Variants in TFF2 observed in about 807,000 individuals in gnomAD.
TFF2 encodes the protein trefoil factor 2.
In TFF2, 19 loss-of-function variants were observed where a neutral mutation model predicts 16.0. The observed-to-expected ratio is 1.19, with a 90% CI of 0.83 to 1.74. The LOEUF (loss-of-function observed/expected upper bound fraction) is 1.74. TFF2 is among the 40% of genes most tolerant of loss of function. TFF2 has a pLI of 0.00. For synonymous variants in TFF2, 61 were observed against 65.4 expected (o/e 0.93, Z 0.32); for missense variants, 168 against 166.8 (o/e 1.01, Z -0.04).
At chr21:42,347,091 G>A (rs904687941) in intron 3 of TFF2, among the ~76,000 whole-genome samples, 6 of 152,204 alleles carry the variant, frequency 3.9e-5, no homozygotes, top group Admixed American at 2.6e-4. Flanking sequence ...GGGAAGCCAC[G>A]GGAGAAGGGG....
chr21:42,347,450 C>T (rs543277873), intron 3 of TFF2, 36 bp downstream of exon 3: 4 of 1,613,458 alleles, frequency 2.5e-6, no homozygotes, highest in South Asian at 2.2e-5. Context: ...ATCATGGTGT[C>T]CGGGAACCAG....
intron 3 of TFF2, 35 bp downstream of exon 3, chr21:42,347,451 C>T (rs1261845978): frequency 6.2e-7 from 1 of 1,613,234 alleles, no homozygotes; most frequent in Non-Finnish European, 8.5e-7. Context: ...TCATGGTGTC[C>T]GGGAACCAGA....
chr21:42,347,625 A>G lies in TFF2; in HGVS notation c.237T>C (p.Asp79=), dbSNP rs1375867628. ...GGTCTGAGACCTCCATGACGCACTGATCCGACTCTGCCATGGGACAGGCAC... is the reference window on the plus strand; with the variant it reads ...GGTCTGAGACCTCCATGACGCACTGGTCCGACTCTGCCATGGGACAGGCAC... ...CFHPLPKQES[D]QCVMEVSDRR... is the part of the protein sequence containing the mutation. Residue 79 remains aspartate (D), a synonymous_variant, in exon 3 of 4, where the codon GAT becomes GAC. Transcript: ENST00000291526. 3.6e-5 allele frequency: 58 copies of G among 1,613,880 alleles called. No homozygotes were observed. Among genetic ancestry groups the G allele is most frequent in the Non-Finnish European group, 4.7e-5 (55 of 1,179,978 alleles).
intron 2 of TFF2, among the ~76,000 whole-genome samples, chr21:42,349,493 AG>A (rs1156844924): frequency 6.6e-6 from 1 of 151,434 alleles, no homozygotes; most frequent in Admixed American, 6.6e-5. Context: ...AGCCTACGCT[AG>A]CCCTAGACTA....
At chr21:42,348,215 C>A (rs13047301) in intron 2 of TFF2, among the ~76,000 whole-genome samples, 1 of 146,604 alleles carries the variant, frequency 6.8e-6, no homozygotes, top group African/African-American at 2.5e-5. Context: ...GCACGACACA[C>A]ACACAACCTT....
intron 2 of TFF2, among the ~76,000 whole-genome samples, chr21:42,348,116 C>T (rs1405848336): frequency 1.3e-5 from 2 of 152,198 alleles, no homozygotes; most frequent in Non-Finnish European, 2.9e-5. Flanking sequence ...TGCCTGGTTT[C>T]CCTGCGGGGC....
intron 1 of TFF2, 53 bp from the exon 2 acceptor site, chr21:42,350,083 C>G (rs1306203373): frequency 4.5e-6 from 7 of 1,550,190 alleles, no homozygotes; most frequent in Non-Finnish European, 6.1e-6. Flanking sequence ...CCACACTGCT[C>G]CTTCTCTCAG....
At chr21:42,347,460 G>A (rs751893244) in intron 3 of TFF2, 26 bp downstream of exon 3, 1 of 1,613,890 alleles carries the variant, frequency 6.2e-7, no homozygotes, top group African/African-American at 1.3e-5. Context: ...CCGGGAACCA[G>A]ACAGAGAGTC....
At chr21:42,349,840 G>A (rs2052101782) in intron 2 of TFF2, 41 bp downstream of exon 2, 5 of 1,546,368 alleles carry the variant, frequency 3.2e-6, no homozygotes, top group African/African-American at 1.4e-5. Flanking sequence ...TGGGTCCTGG[G>A]TTGCCAGCTG....
chr21:42,346,609 G>A (rs2052070320), intron 3 of TFF2, 63 bp from the exon 4 acceptor site: 36 of 1,538,986 alleles, frequency 2.3e-5, no homozygotes, highest in South Asian at 3.7e-5. Context: ...CCTAGGCTGC[G>A]AAGCTGGGGT....
At chr21:42,350,279 C>A in intron 1 of TFF2, 1 of 960,632 alleles carries the variant, frequency 1.0e-6, no homozygotes, top group Non-Finnish European at 1.3e-6. Flanking sequence ...ATAATCCCAG[C>A]ACTTTAGGAA....
chr21:42,347,978 G>A (rs1449747672), intron 2 of TFF2, among the ~76,000 whole-genome samples: 1 of 152,198 alleles, frequency 6.6e-6, no homozygotes, highest in African/African-American at 2.4e-5. Flanking sequence ...CTCAGTAAAT[G>A]GGGTGGTCCC....
chr21:42,347,761 A>G (rs1033708080), intron 2 of TFF2, 129 bp from the exon 3 acceptor site: 3 of 1,257,610 alleles, frequency 2.4e-6, no homozygotes, highest in South Asian at 1.5e-5. Flanking sequence ...TGCCTGGGGC[A>G]GCATCCCCCG....
chr21:42,350,008 C>A lies in TFF2; in HGVS notation c.102G>T (p.Leu34=). Residue 34 remains leucine (L), a synonymous_variant, in exon 2 of 4, where the codon CTG becomes CTT. Transcript: ENST00000291526. The part of the protein sequence containing the change: ...EKPSPCQCSR[L]SPHNRTNCGF... ...CGCAGTTCGTCCTGTTATGGGGGCTCAGCCTGGAGCACTGGCAGGGGGCTG... is the reference window on the plus strand; with the variant it reads ...CGCAGTTCGTCCTGTTATGGGGGCTAAGCCTGGAGCACTGGCAGGGGGCTG... 6.3e-7 allele frequency: 1 copy of A among 1,599,658 alleles called. No homozygotes were observed. Among genetic ancestry groups the A allele is most frequent in the Non-Finnish European group, 8.5e-7 (1 of 1,172,970 alleles).
chr21:42,348,449 T>A (rs184214145), intron 2 of TFF2, among the ~76,000 whole-genome samples: 2,074 of 152,158 alleles, frequency 0.014, 31 homozygotes, highest in African/African-American at 0.046. Flanking sequence ...ATATATATAT[T>A]TTTTTCTCAA....
At chr21:42,348,656 A>G (rs1253768691) in intron 2 of TFF2, among the ~76,000 whole-genome samples, 2 of 152,098 alleles carry the variant, frequency 1.3e-5, no homozygotes, top group East Asian at 3.9e-4. Context: ...AGACTAACCA[A>G]TCTGGGCTAC....
intron 3 of TFF2, 132 bp downstream of exon 3, chr21:42,347,354 T>G: frequency 8.4e-7 from 1 of 1,195,312 alleles, no homozygotes; most frequent in Non-Finnish European, 1.2e-6. Flanking sequence ...CAGAATCCCA[T>G]AGGAGGCAGG....
rs199896209 is a variant in TFF2, at chr21:42,350,926, G to A, written c.32C>T (p.Ala11Val). The change falls in exon 1 of 4, where the codon GCG becomes GTG. Residue 11 changes from alanine (A) to valine (V), a missense_variant. Coordinates refer to ENST00000291526, the MANE Select transcript of TFF2 (RefSeq NM_005423.5). MGRRDAQLLAALLVLGLCALA... is the reference protein window; with the variant it reads MGRRDAQLLAVLLVLGLCALA... The stretch of plus-strand genomic sequence containing the variant: ...GGCACATAGCCCCAGGACGAGGAGC[G>A]CTGCCAGGAGCTGGGCGTCTCGCCG... The A allele has an allele frequency of 3.0e-5, 48 of 1,613,844 alleles. No individual in the cohort carries two copies. The Admixed American group carries it at 5.3e-4, about 18-fold the overall frequency.
At chr21:42,350,841 TAAAG>T (rs768726308) in intron 1 of TFF2, 34 bp downstream of exon 1, 2 of 1,553,740 alleles carry the variant, frequency 1.3e-6, no homozygotes, top group African/African-American at 1.4e-5. Flanking sequence ...TTAAGAGAAA[TAAAG>T]AAAGCACATA....
Sources: gnomAD v4.1 joint callset for allele counts (sites outside exome capture counted in the v4.1 genomes callset) on GRCh38, gnomAD v4.1.1 for gene constraint, MANE v1.5 for transcripts, NCBI Gene and HGNC (gene_info 2026-07-23, HGNC 2026-07-21) for gene names.